The following SGK3 variants were observed in gnomAD, a reference collection of about 807,000 sequenced individuals.
The protein encoded by SGK3 is serine/threonine-protein kinase Sgk3.
In SGK3, 47 loss-of-function variants were observed where a neutral mutation model predicts 68.5. The ratio of observed to expected loss-of-function variants is 0.69; its 90% CI spans 0.54 to 0.87. The LOEUF (loss-of-function observed/expected upper bound fraction) is 0.87. Among genes scored for constraint, SGK3 ranks in the 40% least tolerant of loss-of-function variants. SGK3 has a pLI of 0.00. For synonymous variants in SGK3, 181 were observed against 189.1 expected, an observed-to-expected ratio of 0.96 and a Z score of 0.35; for missense variants, 479 against 575.5, an observed-to-expected ratio of 0.83 and a Z score of 1.72.
At chr8:66,786,308 C>T (rs978274957) in intron 1 of SGK3, among the ~76,000 whole-genome samples, 11 of 152,316 alleles carry the variant, frequency 7.2e-5, no homozygotes, top group Admixed American at 1.3e-4. Context: ...TGAAGTCAGA[C>T]CACCTGGGTT....
intron 1 of SGK3, 121 bp downstream of exon 1, chr8:66,712,954 A>G: frequency 6.6e-6 from 1 of 152,182 alleles, no homozygotes; most frequent in Non-Finnish European, 1.5e-5. Flanking sequence ...CCTCGGAAAA[A>G]GCCGTACCTC....
chr8:66,840,108 G>A lies in SGK3; in HGVS notation c.847G>A (p.Val283Ile), dbSNP rs761095195. The change falls in exon 11 of 17, where the codon GTA becomes ATA. Residue 283 changes from valine (V) to isoleucine (I), a missense_variant. By Grantham distance (29) the Val-to-Ile change is conservative. Around this residue, in one of 3 missense-constraint regions of SGK3, gnomAD observed 298 missense variants for 329.4 expected, o/e 0.90. Transcript: ENST00000521198. ...ALGYLHSIKI[V>I]YRDLKPENIL... ...GGGTTACTTACATTCCATCAAAATA[G>A]TATACAGGTACAATTTTAAAATATA... 23 of 1,613,100 alleles carry A rather than the reference G, an allele frequency of 1.4e-5. No individual in the cohort carries two copies. Among genetic ancestry groups the A allele is most frequent in the Admixed American group, 5.0e-5 (3 of 59,880 alleles).
chr8:66,777,486 T>G (rs1383926068), intron 1 of SGK3, among the ~76,000 whole-genome samples: 1 of 152,198 alleles, frequency 6.6e-6, no homozygotes, highest in Non-Finnish European at 1.5e-5. Context: ...CTCCCTCCAT[T>G]TTATTTATTC....
intron 1 of SGK3, among the ~76,000 whole-genome samples, chr8:66,756,221 C>T (rs1805968727): frequency 6.6e-6 from 1 of 152,106 alleles, no homozygotes; most frequent in African/African-American, 2.4e-5. Context: ...GAGACCAGCT[C>T]TGGTGGCACA....
intron 3 of SGK3, among the ~76,000 whole-genome samples, chr8:66,803,802 A>G (rs982633091): frequency 1.3e-5 from 2 of 151,884 alleles, no homozygotes; most frequent in African/African-American, 4.8e-5. Flanking sequence ...GACCACAGGC[A>G]TATGCCACCA....
Position 66,784,492 on chromosome 8 carries a change from A to G in SGK3, c.-121-9124A>G, listed in dbSNP as rs116408622. ...TAATCTGAGTAGGGTCCTCTAGTCA[A>G]TATCAAACAATCTTTATGATGGGTT... On this transcript the variant is annotated intron_variant, in intron 1 of 16. Transcript: ENST00000521198. Among the ~76,000 whole-genome samples the G allele has an allele frequency of 7.5e-3, 1,138 of 152,280 alleles. 11 individuals carry two copies. Among genetic ancestry groups the G allele is most frequent in the African/African-American group, 0.026 (1,067 of 41,554 alleles).
chr8:66,855,493 G>A (rs1315648861), intron 16 of SGK3, among the ~76,000 whole-genome samples: 4 of 152,120 alleles, frequency 2.6e-5, no homozygotes, highest in Middle Eastern at 3.2e-3. Context: ...ATGAGCCACC[G>A]CACCCAACCG....
chr8:66,714,769 T>A (rs1804585866), intron 1 of SGK3, among the ~76,000 whole-genome samples: 1 of 152,198 alleles, frequency 6.6e-6, no homozygotes, highest in African/African-American at 2.4e-5. Flanking sequence ...ATGGTTGATC[T>A]CTTAATTACT....
chr8:66,851,858 C>T (rs1049633119), intron 16 of SGK3, among the ~76,000 whole-genome samples: 3 of 152,110 alleles, frequency 2.0e-5, no homozygotes, highest in African/African-American at 7.2e-5. Flanking sequence ...TAGGGATATA[C>T]ACTTTGTATG....
In SGK3 at chr8:66,841,009, C is replaced by T; in HGVS notation, c.892-15C>T. On this transcript the variant is annotated splice_polypyrimidine_tract_variant and intron_variant, in intron 12 of 16. Coordinates refer to ENST00000521198, the MANE Select transcript of SGK3 (RefSeq NM_001033578.3). Reference sequence around the variant, plus strand: ...TTTATGCATTGTTTTATCTTACTGCCCCTGTATTTGTCAGGGACATGTTGT... The same window carrying T: ...TTTATGCATTGTTTTATCTTACTGCTCCTGTATTTGTCAGGGACATGTTGT... 2.6e-6 allele frequency: 4 copies of T among 1,558,874 alleles called. No individual in the cohort carries two copies. The highest frequency in any genetic ancestry group is 3.5e-6 in the Non-Finnish European group (4 of 1,156,158).
chr8:66,767,776 G>C, intron 1 of SGK3: 1 of 1,576,078 alleles, frequency 6.3e-7, no homozygotes, highest in Non-Finnish European at 8.7e-7. Flanking sequence ...GGGTCCATTG[G>C]TCTTTACTGA....
intron 1 of SGK3, among the ~76,000 whole-genome samples, chr8:66,750,926 G>A (rs1805794975): frequency 1.3e-5 from 2 of 151,408 alleles, no homozygotes; most frequent in African/African-American, 2.4e-5. Context: ...AGGATTGCTT[G>A]AGCCCAGGAG....
chr8:66,772,592 G>A (rs1398764745), intron 1 of SGK3, among the ~76,000 whole-genome samples: 3 of 135,140 alleles, frequency 2.2e-5, no homozygotes, highest in African/African-American at 8.5e-5. Context: ...ACAGAGTCTC[G>A]CTCTGTCGCC....
At chr8:66,713,396 A>T (rs770948803) in intron 1 of SGK3, among the ~76,000 whole-genome samples, 1 of 152,180 alleles carries the variant, frequency 6.6e-6, no homozygotes, top group Non-Finnish European at 1.5e-5. Flanking sequence ...ATTTTTAGTC[A>T]TCGTTACTTG....
chr8:66,781,054 C>A (rs905426033), intron 1 of SGK3, among the ~76,000 whole-genome samples: 1 of 152,194 alleles, frequency 6.6e-6, no homozygotes, highest in Non-Finnish European at 1.5e-5. Context: ...CAGGCCCCAT[C>A]CATCTGCCAG....
chr8:66,797,953 A>C (rs751101513), intron 2 of SGK3, among the ~76,000 whole-genome samples: 4 of 152,224 alleles, frequency 2.6e-5, no homozygotes, highest in Non-Finnish European at 4.4e-5. Context: ...AACATTTGAA[A>C]AATAAAATAT....
chr8:66,781,984 G>A (rs1807005329), intron 1 of SGK3, among the ~76,000 whole-genome samples: 1 of 152,192 alleles, frequency 6.6e-6, no homozygotes, highest in South Asian at 2.1e-4. Context: ...TTCATTGGCA[G>A]AGCCTGTTTT....
intron 3 of SGK3, 75 bp downstream of exon 3, chr8:66,798,700 A>G: frequency 7.8e-7 from 1 of 1,278,638 alleles, no homozygotes. Context: ...GATGTATTTG[A>G]ATGATTAAAT....
chr8:66,822,745 A>G (rs1420781420), intron 6 of SGK3, among the ~76,000 whole-genome samples: 3 of 152,112 alleles, frequency 2.0e-5, no homozygotes, highest in Non-Finnish European at 4.4e-5. Context: ...CAGCCTCCCC[A>G]GTAGCTGGGA....
Sources: allele counts gnomAD v4.1 joint callset (sites outside exome capture counted in the v4.1 genomes callset), GRCh38; gene constraint gnomAD v4.1.1; regional missense constraint gnomAD v4.1.1; transcripts MANE v1.5; gene names NCBI Gene and HGNC (gene_info 2026-07-23, HGNC 2026-07-21).